Variants in SYNDIG1 observed in about 807,000 individuals in gnomAD.
SYNDIG1 encodes synapse differentiation inducing 1, also known as synapse differentiation-inducing gene protein 1.
A neutral mutation model predicts 19.4 loss-of-function variants in SYNDIG1; 9 were observed. The observed-to-expected ratio is 0.46, with a 90% CI of 0.28 to 0.81. The LOEUF is 0.81. Among genes scored for constraint, SYNDIG1 ranks in the 30% least tolerant of loss-of-function variants. The probability of loss-of-function intolerance (pLI) is 0.12; values close to 1 mark genes in which losing one functional copy is unlikely to be tolerated. For missense variants in SYNDIG1, 311 were observed against 343.3 expected, an observed-to-expected ratio of 0.91 and a Z score of 0.74; for synonymous variants, 141 against 145.9, an observed-to-expected ratio of 0.97 and a Z score of 0.24.
chr20:24,655,338 C>T (rs1456809945), intron 3 of SYNDIG1, among the ~76,000 whole-genome samples: 5 of 152,026 alleles, frequency 3.3e-5, no homozygotes, highest in African/African-American at 1.2e-4. Flanking sequence ...ACACAAAGTA[C>T]GTAGTCAAAA....
chr20:24,515,353 G>T (rs528435114), intron 1 of SYNDIG1, among the ~76,000 whole-genome samples: 107 of 152,250 alleles, frequency 7.0e-4, no homozygotes, highest in African/African-American at 2.6e-3. Flanking sequence ...TTTTTGAAAA[G>T]ATCAAAAGAA....
chr20:24,525,932 G>T (rs2146580749), intron 1 of SYNDIG1, among the ~76,000 whole-genome samples: 1 of 152,188 alleles, frequency 6.6e-6, no homozygotes, highest in African/African-American at 2.4e-5. Context: ...TTTGAGAATT[G>T]TTGTATACGG....
chr20:24,638,581 T>A (rs960371291), intron 3 of SYNDIG1, among the ~76,000 whole-genome samples: 3 of 152,146 alleles, frequency 2.0e-5, no homozygotes, highest in African/African-American at 7.2e-5. Flanking sequence ...TAGGCTGGTC[T>A]CAAACTCCTG....
chr20:24,657,794 T>G (rs1483813053), intron 3 of SYNDIG1, among the ~76,000 whole-genome samples: 1 of 152,144 alleles, frequency 6.6e-6, no homozygotes, highest in Non-Finnish European at 1.5e-5. Flanking sequence ...ACCTTGTCAG[T>G]GCACAGCAAA....
chr20:24,514,401 A>T (rs998307767), intron 1 of SYNDIG1, among the ~76,000 whole-genome samples: 3 of 152,214 alleles, frequency 2.0e-5, no homozygotes, highest in African/African-American at 7.2e-5. Flanking sequence ...AGAGATAAAC[A>T]TAGGCTCAAA....
intron 1 of SYNDIG1, among the ~76,000 whole-genome samples, chr20:24,536,177 A>T (rs560876920): frequency 6.6e-6 from 1 of 152,294 alleles, no homozygotes; most frequent in Non-Finnish European, 1.5e-5. Flanking sequence ...CCATGCTGTC[A>T]TCCAGGCCTG....
chr20:24,564,723 C>A (rs2058009768), intron 2 of SYNDIG1, among the ~76,000 whole-genome samples: 1 of 152,176 alleles, frequency 6.6e-6, no homozygotes, highest in South Asian at 2.1e-4. Context: ...GAAGAAGCAG[C>A]AGCAGAAAGA....
intron 1 of SYNDIG1, among the ~76,000 whole-genome samples, chr20:24,492,541 C>T (rs1196049591): frequency 2.0e-5 from 3 of 152,200 alleles, no homozygotes; most frequent in Admixed American, 6.5e-5. Context: ...CTGGCTTGAG[C>T]CAGGTTTGCA....
At chr20:24,541,644 A>G (rs1167578991) in intron 1 of SYNDIG1, among the ~76,000 whole-genome samples, 1 of 152,196 alleles carries the variant, frequency 6.6e-6, no homozygotes, top group Non-Finnish European at 1.5e-5. Flanking sequence ...TGCAGCCCAG[A>G]AAGTGTTTGG....
At chr20:24,619,200 C>A (rs925028984) in intron 3 of SYNDIG1, among the ~76,000 whole-genome samples, 2 of 152,138 alleles carry the variant, frequency 1.3e-5, no homozygotes, top group Non-Finnish European at 2.9e-5. Context: ...TTAGTGGAAC[C>A]CTCAGCCCTC....
At chr20:24,499,317 G>A (rs145996267) in intron 1 of SYNDIG1, among the ~76,000 whole-genome samples, 5 of 152,320 alleles carry the variant, frequency 3.3e-5, no homozygotes, top group East Asian at 1.9e-4. Context: ...GAGCCACTGC[G>A]CTCAGCCTAG....
At chr20:24,512,078 TGGCAGCCATGA>T (rs1203645906) in intron 1 of SYNDIG1, among the ~76,000 whole-genome samples, 6 of 140,848 alleles carry the variant, frequency 4.3e-5, no homozygotes, top group African/African-American at 1.6e-4. Flanking sequence ...TATAGGAGAA[TGGCAGCCATGA>T]GGCACCATTG....
At chr20:24,575,579 G>A (rs985668005) in intron 2 of SYNDIG1, among the ~76,000 whole-genome samples, 6 of 152,178 alleles carry the variant, frequency 3.9e-5, no homozygotes, top group Admixed American at 2.6e-4. Context: ...ATTTGTTCTA[G>A]GACGTGCAAG....
rs1218993124 is a variant in SYNDIG1 at position 24,665,850 on chromosome 20, T to C, written c.*346T>C. On this transcript the variant is annotated 3_prime_UTR_variant, in exon 4 of 4. Transcript: ENST00000376862. ...CACCGCATTAGCAATATACAAACAG[T>C]CCAAAAAAGTGTTTATTTTTTATGG... 3.7e-6 allele frequency: 1 copy of C among 269,214 alleles called. No homozygotes were observed. Among genetic ancestry groups the C allele is most frequent in the Non-Finnish European group, 6.9e-6 (1 of 145,626 alleles). 16.7% of individuals were successfully genotyped at this position (269,214 alleles called of 1,614,324 possible).
intron 1 of SYNDIG1, among the ~76,000 whole-genome samples, chr20:24,528,249 T>A (rs1371743664): frequency 6.6e-6 from 1 of 152,208 alleles, no homozygotes. Context: ...AATCTTTCAT[T>A]TGTAAAGTAT....
chr20:24,523,159 C>T (rs1437823246), intron 1 of SYNDIG1, among the ~76,000 whole-genome samples: 1 of 152,182 alleles, frequency 6.6e-6, no homozygotes, highest in Admixed American at 6.5e-5. Context: ...GGCTTCCTGG[C>T]TGTGAAATCC....
Position 24,502,839 on chromosome 20 carries a change from G to A in SYNDIG1, c.-79+33086G>A, listed in dbSNP as rs564712209. Among the ~76,000 whole-genome samples, 5 of 152,368 alleles carry A rather than the reference G, an allele frequency of 3.3e-5. No homozygotes were observed. In the South Asian group the frequency reaches 1.0e-3, roughly 32 times the overall value. On this transcript the variant is annotated intron_variant, in intron 1 of 3. Transcript: ENST00000376862. ...AAAGGTCACTGAAGAAGAGAAGAGTGACAGTACTGATTCATACAGTGCCTG... is the reference window on the plus strand; with the variant it reads ...AAAGGTCACTGAAGAAGAGAAGAGTAACAGTACTGATTCATACAGTGCCTG...
rs1209537390 is a variant in SYNDIG1, at chr20:24,527,518, T to A, written c.-78-15502T>A. ...CTTTTCTTCTCTTCTCTTTTCTTTT[T>A]TTTTCCTTTCTTTTCTTTTCTTTCC... On this transcript the variant is annotated intron_variant, in intron 1 of 3. Transcript: ENST00000376862. Among the ~76,000 whole-genome samples the A allele has an allele frequency of 6.0e-5, 6 of 100,010 alleles. No individual in the cohort carries two copies. In the South Asian group the frequency reaches 2.1e-3, roughly 35 times the overall value. The allele number at this position is 100,010 out of a possible 152,430, so 65.6% of individuals were successfully genotyped here. A position where few individuals can be genotyped will look rare whatever the true frequency, so the allele number is the denominator to read the frequency against.
chr20:24,548,991 T>C (rs1224282924), intron 2 of SYNDIG1, among the ~76,000 whole-genome samples: 4 of 152,198 alleles, frequency 2.6e-5, no homozygotes, highest in Non-Finnish European at 5.9e-5. Context: ...GATGTTTTGA[T>C]ACATGTAACA....
Sources: gnomAD v4.1 joint callset for allele counts (sites outside exome capture counted in the v4.1 genomes callset) on GRCh38, gnomAD v4.1.1 for gene constraint, MANE v1.5 for transcripts, NCBI Gene and HGNC (gene_info 2026-07-23, HGNC 2026-07-21) for gene names.